Variants in WDFY4 observed in about 807,000 individuals in gnomAD.
WDFY4 encodes WD repeat- and FYVE domain-containing protein 4.
A neutral mutation model predicts 351.9 loss-of-function variants in WDFY4; 169 were observed. The ratio of observed to expected loss-of-function variants is 0.48; its 90% CI spans 0.42 to 0.55. The LOEUF is 0.55. Ranked by LOEUF, WDFY4 falls within the 20% of genes least tolerant of loss-of-function variation. The probability of loss-of-function intolerance (pLI) is 0.00; values close to 1 mark genes in which losing one functional copy is unlikely to be tolerated. For synonymous variants in WDFY4, 1,622 were observed against 1,574.6 expected, an observed-to-expected ratio of 1.03 and a Z score of -0.71; for missense variants, 3,803 against 3,935.6, an observed-to-expected ratio of 0.97 and a Z score of 0.90.
At chr10:48,840,323 G>A (rs1460100718) in intron 39 of WDFY4, among the ~76,000 whole-genome samples, 2 of 151,956 alleles carry the variant, frequency 1.3e-5, no homozygotes, top group African/African-American at 4.8e-5. Flanking sequence ...AGCCTGGGGC[G>A]GTGGGGAGGG....
chr10:48,885,056 A>G (rs1182226963), intron 43 of WDFY4, among the ~76,000 whole-genome samples: 1 of 152,172 alleles, frequency 6.6e-6, no homozygotes, highest in Non-Finnish European at 1.5e-5. Context: ...ATATGCTGAC[A>G]CCAGATGAAA....
intron 41 of WDFY4, among the ~76,000 whole-genome samples, chr10:48,873,933 T>C (rs913621758): frequency 6.6e-6 from 1 of 152,130 alleles, no homozygotes; most frequent in Non-Finnish European, 1.5e-5. Flanking sequence ...TGAATAAATA[T>C]TGAGTGTTGA....
intron 11 of WDFY4, among the ~76,000 whole-genome samples, chr10:48,741,936 A>G (rs895241072): frequency 1.3e-5 from 2 of 152,234 alleles, no homozygotes; most frequent in African/African-American, 4.8e-5. Flanking sequence ...TATCTGATCA[A>G]TAAATAAGTA....
At chr10:48,896,364 C>T (rs555816027) in intron 44 of WDFY4, among the ~76,000 whole-genome samples, 3 of 152,288 alleles carry the variant, frequency 2.0e-5, no homozygotes, top group South Asian at 4.1e-4. Flanking sequence ...CACTATGGCC[C>T]CACTGGGAGT....
intron 52 of WDFY4, 35 bp downstream of exon 52, chr10:48,957,317 G>A (rs771302253): frequency 9.1e-6 from 14 of 1,539,614 alleles, no homozygotes; most frequent in Admixed American, 5.9e-5. Flanking sequence ...GGTGAGTGGC[G>A]TTGCAGGGTG....
chr10:48,805,406 C>T lies in WDFY4; in HGVS notation c.4631C>T (p.Thr1544Ile), dbSNP rs1589653998. The change falls in exon 26 of 62, where the codon ACC (threonine) becomes ATC (isoleucine). Residue 1544 changes from threonine to isoleucine, a missense_variant. By Grantham distance (89) the Thr-to-Ile change is moderately conservative. This residue lies in a region of WDFY4 where 3,054 missense variants were observed against 3,148.6 expected (regional missense o/e 0.97). Transcript: ENST00000325239. ...LACQLRGHFSTQDLLRIGLFV... is the reference protein window; with the variant it reads ...LACQLRGHFSIQDLLRIGLFV... ...TGTCAGCTGAGGGGCCACTTCAGCA[C>T]CCAGGACTTGCTCAGGTACCACACC... 1 of 1,548,734 alleles carries T rather than the reference C, an allele frequency of 6.5e-7. No individual in the cohort carries two copies. The highest frequency in any genetic ancestry group is 8.7e-7 in the Non-Finnish European group (1 of 1,146,998).
chr10:48,779,868 T>G, intron 18 of WDFY4, 73 bp from the exon 19 acceptor site: 2 of 1,519,878 alleles, frequency 1.3e-6, no homozygotes, highest in Non-Finnish European at 1.8e-6. Context: ...CGTCCGCCTA[T>G]GCCCTCCCCA....
chr10:48,727,737 A>C, intron 7 of WDFY4, 78 bp downstream of exon 7: 1 of 1,489,046 alleles, frequency 6.7e-7, no homozygotes. Context: ...GGTGCTTTGC[A>C]GAAAAATAGA....
At chr10:48,939,281 G>A (rs147002703) in intron 47 of WDFY4, among the ~76,000 whole-genome samples, 2 of 152,200 alleles carry the variant, frequency 1.3e-5, no homozygotes, top group Non-Finnish European at 2.9e-5. Flanking sequence ...CCAGGACCAC[G>A]CCTGTTGAGT....
chr10:48,946,072 G>A lies in WDFY4; in HGVS notation c.7782G>A (p.Arg2594=), dbSNP rs1416852141. ...ACTTGGCAAATCCGAAGATTTTCCG[G>A]GATCTTTCAAAGCCCATGGGGGCTC... ...TLNLANPKIF[R]DLSKPMGAQT... The change falls in exon 50 of 62, where the codon CGG becomes CGA. Residue 2594 remains arginine, a synonymous_variant. Coordinates refer to ENST00000325239, the MANE Select transcript of WDFY4 (RefSeq NM_001394531.1). 1.2e-5 allele frequency: 18 copies of A among 1,545,086 alleles called. No individual in the cohort carries two copies. The highest frequency in any genetic ancestry group is 1.5e-5 in the Non-Finnish European group (17 of 1,145,312).
intron 39 of WDFY4, among the ~76,000 whole-genome samples, chr10:48,832,936 G>T (rs2068243039): frequency 6.6e-6 from 1 of 152,150 alleles, no homozygotes; most frequent in Non-Finnish European, 1.5e-5. Context: ...GAGGGCACTA[G>T]CCCACCACTC....
chr10:48,731,143 T>A lies in WDFY4; in HGVS notation c.1163T>A (p.Val388Asp). The change falls in exon 9 of 62, where the codon GTC (valine) becomes GAC (aspartate). Residue 388 changes from valine (V) to aspartate (D), a missense_variant. By Grantham distance (152) the Val-to-Asp change is radical. Coordinates refer to ENST00000325239, the MANE Select transcript of WDFY4 (RefSeq NM_001394531.1). ...GTTAAGAATCTTCAGGCCTTCCAGGTCCTACAGAATGTTTTCCACAAAGCC... is the reference window on the plus strand; with the variant it reads ...GTTAAGAATCTTCAGGCCTTCCAGGACCTACAGAATGTTTTCCACAAAGCC... ...VTVKNLQAFQ[V>D]LQNVFHKASD... 6.5e-7 allele frequency: 1 copy of A among 1,549,880 alleles called. No individual in the cohort carries two copies. The highest frequency in any genetic ancestry group is 1.2e-5 in the South Asian group (1 of 83,940).
At chr10:48,922,614 G>C (rs1340488645) in intron 47 of WDFY4, among the ~76,000 whole-genome samples, 1 of 152,138 alleles carries the variant, frequency 6.6e-6, no homozygotes, top group Non-Finnish European at 1.5e-5. Context: ...TTTCCTATAG[G>C]AAAAACATAG....
intron 20 of WDFY4, among the ~76,000 whole-genome samples, chr10:48,787,851 CTTCTTCTTT>C (rs1729297973): frequency 7.4e-6 from 1 of 135,560 alleles, no homozygotes; most frequent in Non-Finnish European, 1.5e-5. Flanking sequence ...TCTTCTTCTT[CTTCTTCTTT>C]CTTCTTCTTT....
intron 13 of WDFY4, among the ~76,000 whole-genome samples, chr10:48,763,575 G>T (rs2065578677): frequency 6.6e-6 from 1 of 152,218 alleles, no homozygotes; most frequent in Admixed American, 6.5e-5. Context: ...CCATGGATGA[G>T]CCTCAGTTTT....
chr10:48,866,809 A>G (rs1368386163), intron 39 of WDFY4, among the ~76,000 whole-genome samples: 1 of 152,196 alleles, frequency 6.6e-6, no homozygotes, highest in Non-Finnish European at 1.5e-5. Context: ...GCCTGTATTT[A>G]TATGAATCTC....
At position 48,723,506 on chromosome 10, in the gene WDFY4, T is replaced by C. The variant is rs1231651937; in HGVS notation, c.530T>C (p.Phe177Ser). 2 of 1,551,542 alleles carry C rather than the reference T, an allele frequency of 1.3e-6. No individual in the cohort carries two copies. Among genetic ancestry groups the C allele is most frequent in the East Asian group, 4.9e-5 (2 of 40,930 alleles). Residue 177 changes from phenylalanine to serine, a missense_variant, in exon 5 of 62, where the codon TTT (phenylalanine) becomes TCT (serine). By Grantham distance (155) the Phe-to-Ser change is radical. Transcript: ENST00000325239. ...LLQCLYLFFV[F>S]PLDKDELLES... ...CAGTGCCTTTACCTCTTCTTTGTCTTTCCTCTGGACAAAGATGAGCTTCTT... is the reference window on the plus strand; with the variant it reads ...CAGTGCCTTTACCTCTTCTTTGTCTCTCCTCTGGACAAAGATGAGCTTCTT...
chr10:48,910,605 A>C (rs943766434), intron 47 of WDFY4, among the ~76,000 whole-genome samples: 2 of 152,184 alleles, frequency 1.3e-5, no homozygotes, highest in African/African-American at 2.4e-5. Flanking sequence ...TGCTGCCAGC[A>C]TTTCCTGGCT....
intron 47 of WDFY4, among the ~76,000 whole-genome samples, chr10:48,926,034 C>T (rs376454033): frequency 2.0e-5 from 3 of 152,184 alleles, no homozygotes; most frequent in Non-Finnish European, 2.9e-5. Context: ...GTGTCTGATA[C>T]GCAAGCTGGT....
Sources: allele counts gnomAD v4.1 joint callset (sites outside exome capture counted in the v4.1 genomes callset), GRCh38; gene constraint gnomAD v4.1.1; regional missense constraint gnomAD v4.1.1; transcripts MANE v1.5; gene names NCBI Gene and HGNC (gene_info 2026-07-23, HGNC 2026-07-21).